The following PIEZO1 variants were observed in gnomAD, a reference collection of about 807,000 sequenced individuals.
The protein encoded by PIEZO1 is piezo type mechanosensitive ion channel component 1 (Er blood group).
Under a neutral mutation model 297.2 loss-of-function variants are expected in PIEZO1, and 296 were observed. The observed-to-expected ratio is 1.00, with a 90% CI of 0.91 to 1.10. PIEZO1 has a LOEUF of 1.10. Among genes scored for constraint, PIEZO1 ranks in the 50% least tolerant of loss-of-function variants. The pLI is 0.00. For missense variants in PIEZO1, 5,018 were observed against 3,455.5 expected (o/e 1.45, Z -11.34); for synonymous variants, 2,427 against 1,507.5 (o/e 1.61, Z -14.13).
intron 23 of PIEZO1, 148 bp from the exon 24 acceptor site, chr16:88,727,340 C>G (rs998638550): frequency 9.5e-6 from 9 of 946,904 alleles, no homozygotes; most frequent in Non-Finnish European, 1.4e-5. Context: ...CCGGGTGTCC[C>G]TGGGGGAGCC....
chr16:88,727,775 C>T, intron 22 of PIEZO1, 114 bp from the exon 23 acceptor site: 2 of 496,746 alleles, frequency 4.0e-6, no homozygotes, highest in Non-Finnish European at 7.3e-6. Context: ...ATGGGAATCA[C>T]CTCGCGCACA....
At chr16:88,768,596 C>T (rs768615721) in intron 1 of PIEZO1, among the ~76,000 whole-genome samples, 33 of 152,214 alleles carry the variant, frequency 2.2e-4, no homozygotes, top group Admixed American at 5.9e-4. Flanking sequence ...AGGTTGTGGG[C>T]GGGGGCTCCC....
intron 44 of PIEZO1, chr16:88,717,435 C>G: frequency 3.1e-6 from 2 of 635,100 alleles, no homozygotes; most frequent in South Asian, 1.6e-5. Flanking sequence ...GAGCTGTGAC[C>G]GTTCAGTGGG....
rs148085027 is a variant in PIEZO1, at chr16:88,738,241, G to A, written c.834C>T (p.Ala278=). The A allele has an allele frequency of 4.2e-5, 64 of 1,535,788 alleles. No homozygotes were observed. The African/African-American group carries it at 6.3e-4, about 15-fold the overall frequency. The change falls in exon 7 of 51, where the codon GCC becomes GCT. Residue 278 remains alanine, a synonymous_variant. Transcript: ENST00000301015. ...CAAGCCGTTACCTAGCCCAGATGCCGGCAGGCGGGAGCAGAGCCTGTGCCA... is the reference window on the plus strand; with the variant it reads ...CAAGCCGTTACCTAGCCCAGATGCCAGCAGGCGGGAGCAGAGCCTGTGCCA... ...MPLAQALLPP[A]GIWARVLGLK...
intron 20 of PIEZO1, 27 bp from the exon 21 acceptor site, chr16:88,732,562 G>A: frequency 1.9e-6 from 3 of 1,543,010 alleles, no homozygotes; most frequent in Non-Finnish European, 2.6e-6. Flanking sequence ...TCAGGGGGCA[G>A]CCGGGTACTC....
chr16:88,716,911 C>A lies in PIEZO1; in HGVS notation c.6661-13G>T. 6.5e-6 allele frequency: 10 copies of A among 1,549,134 alleles called. No homozygotes were observed. Among genetic ancestry groups the A allele is most frequent in the Non-Finnish European group, 8.7e-6 (10 of 1,146,638 alleles). On this transcript the variant is annotated splice_polypyrimidine_tract_variant and intron_variant, in intron 45 of 50. Transcript: ENST00000301015. Reference sequence around the variant, plus strand: ...TGGTGAACAGCGGCTGGGGCAGGCACGGGGACACGGGGCCACGAAGATGAG... The same window carrying A: ...TGGTGAACAGCGGCTGGGGCAGGCAAGGGGACACGGGGCCACGAAGATGAG...
At chr16:88,778,317 G>A (rs1381638363) in intron 1 of PIEZO1, among the ~76,000 whole-genome samples, 1 of 152,154 alleles carries the variant, frequency 6.6e-6, no homozygotes, top group Non-Finnish European at 1.5e-5. Flanking sequence ...GGTGGCTGAG[G>A]CGGCTGCTGT....
In PIEZO1 at chr16:88,784,926, C is replaced by G. The variant is rs893953908; in HGVS notation, c.39G>C (p.Leu13=). ...PHVLGAVLYW[L]LLPCALLAAC... is the part of the protein sequence containing the mutation. ...CAGCCAGCAGCGCGCAGGGCAGCAG[C>G]AGCCAGTACAGGACCGCGCCGAGCA... Residue 13 remains leucine (L), a synonymous_variant, in exon 1 of 51, where the codon CTG becomes CTC. Transcript: ENST00000301015. 2.8e-5 allele frequency: 40 copies of G among 1,435,364 alleles called. No individual in the cohort carries two copies. In the East Asian group the frequency reaches 1.2e-3, roughly 44 times the overall value. The allele number at this position is 1,435,364 out of a possible 1,614,324, so 88.9% of individuals were successfully genotyped here. A position where few individuals can be genotyped will look rare whatever the true frequency, so the allele number is the denominator to read the frequency against.
rs1406469445 is a variant in PIEZO1, at chr16:88,742,694, C to G, written c.161-272G>C. ...CAGGCAGGAAAAGGCCTCCCAGGCT[C>G]AGAGGAAACCACCTGGGGTGTGCTC... On this transcript the variant is annotated intron_variant, in intron 2 of 50. Coordinates refer to ENST00000301015, the MANE Select transcript of PIEZO1 (RefSeq NM_001142864.4). The G allele has an allele frequency of 1.5e-4, 73 of 479,464 alleles. 3 individuals carry two copies. In the South Asian group the frequency reaches 1.7e-3, roughly 11 times the overall value. The allele number at this position is 479,464 out of a possible 1,614,324, so 29.7% of individuals were successfully genotyped here.
At chr16:88,781,153 C>T (rs892732456) in intron 1 of PIEZO1, among the ~76,000 whole-genome samples, 1 of 152,194 alleles carries the variant, frequency 6.6e-6, no homozygotes, top group African/African-American at 2.4e-5. Flanking sequence ...CAGATGAGGC[C>T]GTCAAGGCCC....
chr16:88,741,328 T>G (rs1597464443), intron 5 of PIEZO1, 150 bp downstream of exon 5: 1 of 674,062 alleles, frequency 1.5e-6, no homozygotes, highest in Non-Finnish European at 2.4e-6. Context: ...GGCCCCGGGG[T>G]GGGATTTGGA....
intron 1 of PIEZO1, among the ~76,000 whole-genome samples, chr16:88,761,852 CT>C (rs1906949441): frequency 6.6e-6 from 1 of 152,144 alleles, no homozygotes; most frequent in African/African-American, 2.4e-5. Flanking sequence ...CTGGGCTCCC[CT>C]GCAGGGTCAG....
At chr16:88,721,461 C>CT (rs1567661410) in intron 38 of PIEZO1, 31 bp from the exon 39 acceptor site, 1 of 1,539,348 alleles carries the variant, frequency 6.5e-7, no homozygotes, top group East Asian at 2.5e-5. Context: ...GTGAGGGGGC[C>CT]TTGCCTCCCT....
At chr16:88,775,142 G>A (rs1394607557) in intron 1 of PIEZO1, among the ~76,000 whole-genome samples, 2 of 152,224 alleles carry the variant, frequency 1.3e-5, no homozygotes, top group African/African-American at 4.8e-5. Flanking sequence ...GAGCATGGCA[G>A]AGGGGCCGTC....
At position 88,731,098 on chromosome 16, in the gene PIEZO1, C is replaced by T. The variant is rs117641392; in HGVS notation, c.3196+608G>A. 246 of 155,890 alleles carry T rather than the reference C, an allele frequency of 1.6e-3. 6 individuals are homozygous for T. The East Asian group carries it at 0.035, about 22-fold the overall frequency. 9.7% of individuals were successfully genotyped at this position (155,890 alleles called of 1,614,324 possible). A position where few individuals can be genotyped will look rare whatever the true frequency, so the allele number is the denominator to read the frequency against. On this transcript the variant is annotated intron_variant, in intron 22 of 50. Coordinates refer to ENST00000301015, the MANE Select transcript of PIEZO1 (RefSeq NM_001142864.4). ...GGACAGCCACGCAAATCCAGTCTCA[C>T]GGCGTCAGCAACGCTACCGGCCTCC...
rs931140148 is a variant in PIEZO1 at position 88,750,427 on chromosome 16, C to T, written c.65-948G>A. Among the ~76,000 whole-genome samples, 6 of 152,266 alleles carry T rather than the reference C, an allele frequency of 3.9e-5. No individual in the cohort carries two copies. In the East Asian group the frequency reaches 5.8e-4, roughly 15 times the overall value. The stretch of plus-strand genomic sequence containing the variant: ...ACGTATGGGGCAGTGGGACACAGCG[C>T]GCCTTCAGCCCAAATGCTCTGCGTG... On this transcript the variant is annotated intron_variant, in intron 1 of 50. Transcript: ENST00000301015.
In PIEZO1 at chr16:88,716,032, A is replaced by G; in HGVS notation, c.7217T>C (p.Ile2406Thr). Residue 2406 changes from isoleucine (I) to threonine (T), a missense_variant, in exon 50 of 51, where the codon ATC (isoleucine) becomes ACC (threonine). Transcript: ENST00000301015. ...GATGFLEWWV[I>T]ELQECRTDCN... ...GTCGGTCCGGCACTCCTGCAGCTCGATGACCCACCATTCGAGGAAGCCGGT... is the reference window on the plus strand; with the variant it reads ...GTCGGTCCGGCACTCCTGCAGCTCGGTGACCCACCATTCGAGGAAGCCGGT... 1.3e-6 allele frequency: 2 copies of G among 1,550,196 alleles called. No individual in the cohort carries two copies.
In PIEZO1 at chr16:88,735,052, C is replaced by G. The variant is rs771989100; in HGVS notation, c.1671G>C (p.Glu557Asp). 3.2e-6 allele frequency: 5 copies of G among 1,550,218 alleles called. 1 individual carries two copies. The African/African-American group carries it at 6.8e-5, about 21-fold the overall frequency. The change falls in exon 14 of 51, where the codon GAG becomes GAC. Residue 557 changes from glutamate to aspartate, a missense_variant and splice_region_variant. Physicochemically the swap from Glu to Asp is conservative, Grantham distance 45. Transcript: ENST00000301015. The part of the protein sequence containing the change: ...ALTEVTVADT[E>D]PTRTQTLLQS... Reference sequence around the variant, plus strand: ...GCAACAGCGTCTGCGTCCGCGTGGGCTCTGTGGGCCAAGCCAGGGGCAGGC... The same window carrying G: ...GCAACAGCGTCTGCGTCCGCGTGGGGTCTGTGGGCCAAGCCAGGGGCAGGC...
chr16:88,731,749 G>A lies in PIEZO1; in HGVS notation c.3153C>T (p.Tyr1051=), dbSNP rs1434132113. 13 of 1,549,824 alleles carry A rather than the reference G, an allele frequency of 8.4e-6. No homozygotes were observed. The Admixed American group carries it at 2.2e-4, about 26-fold the overall frequency. ...YCLFLALFLL[Y]QYLLCLGMPP... ...GCATCCCCAGGCACAGCAGGTACTG[G>A]TACAGCAGGAACAGCGCCAGGAAGA... Residue 1051 remains tyrosine (Y), a synonymous_variant, in exon 22 of 51, where the codon TAC becomes TAT. Transcript: ENST00000301015.
Sources: allele counts gnomAD v4.1 joint callset (sites outside exome capture counted in the v4.1 genomes callset), GRCh38; gene constraint gnomAD v4.1.1; transcripts MANE v1.5; gene names NCBI Gene and HGNC (gene_info 2026-07-23, HGNC 2026-07-21).